The following ELP3 variants were observed in gnomAD, a reference collection of about 807,000 sequenced individuals.
ELP3 encodes the protein elongator complex protein 3.
In ELP3, 56 loss-of-function variants were observed where a neutral mutation model predicts 74.9. That is an observed-to-expected ratio of 0.75 (90% CI 0.60 to 0.93). The LOEUF (loss-of-function observed/expected upper bound fraction) is 0.93, where lower values mean the gene tolerates loss of function less well. ELP3 is among the 40% of genes least tolerant of loss of function. The probability of loss-of-function intolerance (pLI) is 0.00; values close to 1 mark genes in which losing one functional copy is unlikely to be tolerated. For synonymous variants in ELP3, 222 were observed against 239.8 expected, an observed-to-expected ratio of 0.93 and a Z score of 0.68; for missense variants, 573 against 686.5, an observed-to-expected ratio of 0.83 and a Z score of 1.85.
chr8:28,108,928 T>G (rs1450065844), intron 5 of ELP3, among the ~76,000 whole-genome samples: 1 of 151,976 alleles, frequency 6.6e-6, no homozygotes, highest in Non-Finnish European at 1.5e-5. Context: ...AAGTTGAGTC[T>G]GAATGACAAG....
intron 14 of ELP3, among the ~76,000 whole-genome samples, chr8:28,166,707 A>G (rs1814319961): frequency 6.6e-6 from 1 of 152,236 alleles, no homozygotes; most frequent in Admixed American, 6.5e-5. Flanking sequence ...TCACCGTGGA[A>G]ACGGAGATCT....
chr8:28,183,344 G>T, intron 14 of ELP3: 1 of 409,218 alleles, frequency 2.4e-6, no homozygotes, highest in South Asian at 1.8e-5. Context: ...ACAGAGTAGG[G>T]AAAAGGTCAT....
intron 12 of ELP3, among the ~76,000 whole-genome samples, chr8:28,159,411 T>C (rs555680081): frequency 4.9e-4 from 74 of 152,312 alleles, no homozygotes; most frequent in Non-Finnish European, 9.9e-4. Context: ...GTTCAGTTAT[T>C]TAGCAAACAT....
At chr8:28,155,828 T>C (rs1813804229) in intron 10 of ELP3, 114 bp from the exon 11 acceptor site, 2 of 757,806 alleles carry the variant, frequency 2.6e-6, no homozygotes, top group Non-Finnish European at 4.3e-6. Context: ...GTCAGCTTCA[T>C]AGGTTTTTTG....
intron 7 of ELP3, 37 bp from the exon 8 acceptor site, chr8:28,129,465 C>T: frequency 6.2e-7 from 1 of 1,610,818 alleles, no homozygotes. Context: ...TGTCTTAAAA[C>T]CTGCAACAGG....
upstream of ELP3, chr8:28,092,842 G>A (rs1811095041): frequency 4.7e-6 from 1 of 211,672 alleles, no homozygotes; most frequent in Non-Finnish European, 9.2e-6. Flanking sequence ...CCCCATGAGA[G>A]ACCATCCACT....
chr8:28,090,484 T>TGTGG, upstream of ELP3: 2 of 144,580 alleles, frequency 1.4e-5, no homozygotes, highest in African/African-American at 5.4e-5. Flanking sequence ...GATGGGTGGG[T>TGTGG]GTGTGTGTGT....
chr8:28,162,285 C>T (rs940706195), intron 14 of ELP3, among the ~76,000 whole-genome samples: 1 of 152,176 alleles, frequency 6.6e-6, no homozygotes, highest in African/African-American at 2.4e-5. Flanking sequence ...AGAGTCAGGA[C>T]CTGTGACCCA....
At chr8:28,095,642 T>C (rs1811222445) in intron 1 of ELP3, among the ~76,000 whole-genome samples, 1 of 152,234 alleles carries the variant, frequency 6.6e-6, no homozygotes, top group Admixed American at 6.5e-5. Flanking sequence ...TGCAGTGTGT[T>C]ACAGTGAAAA....
intron 14 of ELP3, among the ~76,000 whole-genome samples, chr8:28,173,473 A>G (rs1814615280): frequency 6.6e-6 from 1 of 150,970 alleles, no homozygotes; most frequent in African/African-American, 2.4e-5. Flanking sequence ...TGTTTTTGTG[A>G]TTTGAGTCTT....
chr8:28,161,461 C>A (rs2130553247), intron 13 of ELP3, among the ~76,000 whole-genome samples: 1 of 152,132 alleles, frequency 6.6e-6, no homozygotes, highest in African/African-American at 2.4e-5. Flanking sequence ...GTAGTCACAG[C>A]TACTCAGGAG....
At chr8:28,181,212 T>G (rs1814998094) in intron 14 of ELP3, among the ~76,000 whole-genome samples, 1 of 152,234 alleles carries the variant, frequency 6.6e-6, no homozygotes, top group South Asian at 2.1e-4. Context: ...TAATTTTGTC[T>G]GCCATAATCA....
At chr8:28,125,759 C>CTTTTTTTTTTTTT (rs755484214) in intron 7 of ELP3, among the ~76,000 whole-genome samples, 702 of 92,056 alleles carry the variant, frequency 7.6e-3, no homozygotes, top group Non-Finnish European at 0.01. Context: ...AGTCATTTCT[C>CTTTTTTTTTTTTT]TTTTTTTTTT....
At chr8:28,111,621 A>G (rs1811919619) in intron 6 of ELP3, among the ~76,000 whole-genome samples, 1 of 152,228 alleles carries the variant, frequency 6.6e-6, no homozygotes, top group Non-Finnish European at 1.5e-5. Context: ...CATTTTTCCA[A>G]ACAGTGGGTT....
chr8:28,120,276 C>T (rs972005545), intron 7 of ELP3, among the ~76,000 whole-genome samples: 2 of 152,162 alleles, frequency 1.3e-5, no homozygotes, highest in Non-Finnish European at 2.9e-5. Context: ...TTTAGCCATT[C>T]TAGTGGGCGT....
intron 9 of ELP3, among the ~76,000 whole-genome samples, chr8:28,135,873 G>T (rs1422471753): frequency 4.0e-5 from 6 of 151,426 alleles, no homozygotes; most frequent in Non-Finnish European, 8.8e-5. Context: ...TGAAGAATTT[G>T]TTGCCATCTT....
upstream of ELP3, chr8:28,090,428 A>T: frequency 3.5e-6 from 1 of 284,136 alleles, no homozygotes; most frequent in Non-Finnish European, 6.8e-6. Flanking sequence ...CAAGTCTGGA[A>T]CCCAGGCTGT....
At chr8:28,108,462 T>C (rs906866540) in intron 5 of ELP3, among the ~76,000 whole-genome samples, 1 of 146,304 alleles carries the variant, frequency 6.8e-6, no homozygotes, top group Non-Finnish European at 1.5e-5. Context: ...TTTTTCTTTT[T>C]TTTTTTTTTT....
At chr8:28,131,771 C>G (rs540340547) in intron 8 of ELP3, among the ~76,000 whole-genome samples, 1 of 152,268 alleles carries the variant, frequency 6.6e-6, no homozygotes, top group Non-Finnish European at 1.5e-5. Flanking sequence ...TCCTCCAAAC[C>G]CACCAGTGAA....
Sources: allele counts gnomAD v4.1 joint callset (sites outside exome capture counted in the v4.1 genomes callset), GRCh38; gene constraint gnomAD v4.1.1; transcripts MANE v1.5; gene names NCBI Gene and HGNC (gene_info 2026-07-23, HGNC 2026-07-21).